The following POU2F1 variants were observed in gnomAD, a reference collection of about 807,000 sequenced individuals.
POU2F1 encodes the protein POU domain, class 2, transcription factor 1.
In POU2F1, 16 loss-of-function variants were observed where a neutral mutation model predicts 84.9. The ratio of observed to expected loss-of-function variants is 0.19; its 90% CI spans 0.13 to 0.29. The LOEUF is 0.29. Ranked by LOEUF, POU2F1 falls within the 10% of genes least tolerant of loss-of-function variation. POU2F1 has a pLI of 1.00. For missense variants in POU2F1, 738 were observed against 942.6 expected (o/e 0.78, Z 2.84); for synonymous variants, 368 against 368.3 (o/e 1.00, Z 0.01).
chr1:167,369,932 A>G (rs571135396), intron 3 of POU2F1, among the ~76,000 whole-genome samples: 1 of 152,208 alleles, frequency 6.6e-6, no homozygotes, highest in South Asian at 2.1e-4. Flanking sequence ...GTGTGGGAAA[A>G]CATCTTCAAA....
At chr1:167,232,093 C>T (rs1649106906) in intron 1 of POU2F1, among the ~76,000 whole-genome samples, 1 of 152,188 alleles carries the variant, frequency 6.6e-6, no homozygotes, top group African/African-American at 2.4e-5. Context: ...GTGTGCCTGG[C>T]CCCTGGGCCT....
intron 1 of POU2F1, among the ~76,000 whole-genome samples, chr1:167,327,584 G>A (rs1317658743): frequency 6.6e-6 from 1 of 152,140 alleles, no homozygotes; most frequent in Non-Finnish European, 1.5e-5. Flanking sequence ...TTAATGGGCT[G>A]ACACCTTTCA....
intron 1 of POU2F1, chr1:167,329,251 C>T (rs1216545616): frequency 1.3e-6 from 2 of 1,547,036 alleles, no homozygotes; most frequent in African/African-American, 1.4e-5. Context: ...TGTTTGGACT[C>T]TCTGCTCCTC....
chr1:167,365,595 G>C, intron 3 of POU2F1, 28 bp downstream of exon 3: 1 of 1,512,280 alleles, frequency 6.6e-7, no homozygotes, highest in Non-Finnish European at 9.0e-7. Flanking sequence ...AACCATCAGT[G>C]AGAGTGAAAG....
chr1:167,379,615 G>C (rs1392094148), intron 7 of POU2F1: 2 of 152,170 alleles, frequency 1.3e-5, no homozygotes, highest in Admixed American at 6.6e-5. Context: ...AACTAGTGGA[G>C]AGTGGTAATC....
chr1:167,345,118 C>T (rs551599772), intron 2 of POU2F1, among the ~76,000 whole-genome samples: 1 of 152,186 alleles, frequency 6.6e-6, no homozygotes, highest in East Asian at 1.9e-4. Context: ...CCGTGGTACA[C>T]GTGTACTTAT....
chr1:167,414,520 A>G, intron 15 of POU2F1: 2 of 985,208 alleles, frequency 2.0e-6, no homozygotes, highest in Non-Finnish European at 2.4e-6. Flanking sequence ...TACATGTAGG[A>G]GTGAGGTTAT....
chr1:167,361,933 CTG>C (rs1659379626), intron 2 of POU2F1, among the ~76,000 whole-genome samples: 1 of 152,012 alleles, frequency 6.6e-6, no homozygotes, highest in East Asian at 1.9e-4. Flanking sequence ...TTCTGTTTCT[CTG>C]TGTCTTCATG....
At chr1:167,381,086 T>G (rs10800308) in intron 7 of POU2F1, 65,986 of 151,684 alleles carry the variant, frequency 0.44, 15,905 homozygotes, top group East Asian at 0.69. Flanking sequence ...GCGTTTTTTT[T>G]TTGTTGTTGT....
intron 8 of POU2F1, among the ~76,000 whole-genome samples, chr1:167,385,161 T>C (rs1192892866): frequency 6.6e-6 from 1 of 152,122 alleles, no homozygotes; most frequent in Non-Finnish European, 1.5e-5. Flanking sequence ...TTGAAAACTA[T>C]AGAACATTGC....
At chr1:167,394,823 G>T (rs1048995578) in intron 9 of POU2F1, among the ~76,000 whole-genome samples, 1 of 152,094 alleles carries the variant, frequency 6.6e-6, no homozygotes, top group Non-Finnish European at 1.5e-5. Context: ...AGAAAATGGG[G>T]TTTTAAAAAT....
At chr1:167,384,018 T>A in intron 8 of POU2F1, 67 bp downstream of exon 8, 1 of 1,273,396 alleles carries the variant, frequency 7.9e-7, no homozygotes, top group Non-Finnish European at 1.0e-6. Flanking sequence ...TGGACTTTAT[T>A]TAATTTTTTT....
chr1:167,221,165 A>G (rs968532959), intron 1 of POU2F1, among the ~76,000 whole-genome samples: 2 of 150,866 alleles, frequency 1.3e-5, no homozygotes, highest in Non-Finnish European at 3.0e-5. Context: ...GGGGAAGACA[A>G]GGGGCAAAGG....
rs149155657 is a variant in POU2F1, at chr1:167,358,159, G to A, written c.128-7308G>A. Reference sequence around the variant, plus strand: ...TTTTTTTTTTTTGAGACGGTGTTTCGCTCTTGTTGCCCAGGCAGGAGTGCA... The same window carrying A: ...TTTTTTTTTTTTGAGACGGTGTTTCACTCTTGTTGCCCAGGCAGGAGTGCA... On this transcript the variant is annotated intron_variant, in intron 2 of 15. Coordinates refer to ENST00000367866, the MANE Select transcript of POU2F1 (RefSeq NM_002697.4). 5.4e-3 allele frequency among the ~76,000 whole-genome samples: 514 copies of A among 95,746 alleles called. 14 individuals carry two copies. In the East Asian group the frequency reaches 0.06, roughly 11 times the overall value. 62.8% of individuals were successfully genotyped at this position (95,746 alleles called of 152,430 possible).
intron 15 of POU2F1, chr1:167,414,505 A>G (rs1650179738): frequency 1.0e-6 from 1 of 985,308 alleles, no homozygotes; most frequent in African/African-American, 1.7e-5. Context: ...AAAATCCCTC[A>G]AATCTACATG....
chr1:167,234,922 A>T (rs1413512141), intron 1 of POU2F1, among the ~76,000 whole-genome samples: 1 of 152,186 alleles, frequency 6.6e-6, no homozygotes, highest in Non-Finnish European at 1.5e-5. Context: ...ATGAGTTGTG[A>T]CTTAAAATTA....
At chr1:167,308,704 A>G (rs1655255053) in intron 1 of POU2F1, among the ~76,000 whole-genome samples, 1 of 151,978 alleles carries the variant, frequency 6.6e-6, no homozygotes, top group Admixed American at 6.5e-5. Context: ...TTTTTTGTAG[A>G]GACAGGATCT....
chr1:167,311,989 G>C (rs982819813), intron 1 of POU2F1, among the ~76,000 whole-genome samples: 3 of 151,466 alleles, frequency 2.0e-5, no homozygotes, highest in Non-Finnish European at 4.4e-5. Flanking sequence ...CTGTTTCCCA[G>C]GCTGGCGCAC....
chr1:167,319,267 A>G (rs999204863), intron 1 of POU2F1, among the ~76,000 whole-genome samples: 5 of 152,018 alleles, frequency 3.3e-5, no homozygotes, highest in Non-Finnish European at 7.4e-5. Context: ...CTCTACCCCA[A>G]CTTATTATTT....
Sources: allele counts gnomAD v4.1 joint callset (sites outside exome capture counted in the v4.1 genomes callset), GRCh38; gene constraint gnomAD v4.1.1; transcripts MANE v1.5; gene names NCBI Gene and HGNC (gene_info 2026-07-23, HGNC 2026-07-21).